The following BIRC6 variants were observed in gnomAD, a reference collection of about 807,000 sequenced individuals.
BIRC6 encodes dual E2 ubiquitin-conjugating enzyme/E3 ubiquitin-protein ligase BIRC6.
Under a neutral mutation model 503.3 loss-of-function variants are expected in BIRC6, and 98 were observed. That is an observed-to-expected ratio of 0.19 (90% CI 0.17 to 0.23). The LOEUF is 0.23. Ranked by LOEUF, BIRC6 falls within the 10% of genes least tolerant of loss-of-function variation. BIRC6 has a pLI of 1.00. For missense variants in BIRC6, 5,360 were observed against 5,806.0 expected, an observed-to-expected ratio of 0.92 and a Z score of 2.50; for synonymous variants, 2,240 against 2,078.7, an observed-to-expected ratio of 1.08 and a Z score of -2.11.
intron 55 of BIRC6, among the ~76,000 whole-genome samples, chr2:32,516,823 G>T (rs1325352686): frequency 6.6e-6 from 1 of 151,916 alleles, no homozygotes; most frequent in South Asian, 2.1e-4. Context: ...ATAACATGGG[G>T]CTAGCAATAC....
chr2:32,411,398 A>ATT (rs398104160), intron 9 of BIRC6, among the ~76,000 whole-genome samples: 1 of 86,204 alleles, frequency 1.2e-5, no homozygotes, highest in African/African-American at 5.8e-5. Flanking sequence ...CATTAAGGCA[A>ATT]TTATATATAT....
chr2:32,482,920 GTTT>G (rs781690700), intron 39 of BIRC6, among the ~76,000 whole-genome samples: 2 of 142,452 alleles, frequency 1.4e-5, no homozygotes, highest in African/African-American at 2.6e-5. Context: ...TATTTTTGCA[GTTT>G]TTTTTTTTTT....
rs2033342714 is a variant in BIRC6, at chr2:32,357,793, C to T, written c.325+307C>T. On this transcript the variant is annotated intron_variant, in intron 1 of 73. Transcript: ENST00000421745. The surrounding 1 kb of genome is among the most constrained non-coding windows in gnomAD (Gnocchi z 4.9). ...GTGAGGAGACCTTGGAGCTTGGCAC[C>T]GGAGGAAGCGAGGCCCGGGTAGGCC... Among the ~76,000 whole-genome samples the T allele has an allele frequency of 6.6e-6, 1 of 152,034 alleles. No individual in the cohort carries two copies. The highest frequency in any genetic ancestry group is 1.5e-5 in the Non-Finnish European group (1 of 67,994).
intron 65 of BIRC6, among the ~76,000 whole-genome samples, chr2:32,558,306 C>T (rs187356022): frequency 1.4e-5 from 2 of 144,944 alleles, no homozygotes; most frequent in Admixed American, 6.9e-5. Context: ...TTAATGTGAA[C>T]TGCAATTTAT....
At chr2:32,526,949 A>C (rs917422833) in intron 59 of BIRC6, 3 of 152,400 alleles carry the variant, frequency 2.0e-5, no homozygotes, top group African/African-American at 7.2e-5. Context: ...AAAATCTGCC[A>C]GAACAGTTTA....
At chr2:32,408,404 C>G (rs370982733) in intron 9 of BIRC6, among the ~76,000 whole-genome samples, 452 of 152,278 alleles carry the variant, frequency 3.0e-3, no homozygotes, top group South Asian at 6.0e-3. Context: ...GCCACTGCGC[C>G]CGGCCAAGTT....
chr2:32,476,938 GTCTT>G (rs2049831357), intron 34 of BIRC6, among the ~76,000 whole-genome samples: 1 of 152,068 alleles, frequency 6.6e-6, no homozygotes, highest in Non-Finnish European at 1.5e-5. Flanking sequence ...CAAGTTTGTA[GTCTT>G]TCTATAACAT....
intron 47 of BIRC6, 27 bp from the exon 48 acceptor site, chr2:32,502,752 ACAGGAATATATAAAGT>A: frequency 6.9e-7 from 1 of 1,455,022 alleles, no homozygotes; most frequent in Non-Finnish European, 9.5e-7. Flanking sequence ...GTTCTTATTC[ACAGGAATATATAAAGT>A]CATAATATGC....
At chr2:32,512,733 T>G (rs2054572016) in intron 53 of BIRC6, among the ~76,000 whole-genome samples, 200 bp from the exon 54 acceptor site, 2 of 152,204 alleles carry the variant, frequency 1.3e-5, no homozygotes, top group South Asian at 4.1e-4. Context: ...GTAAGGTTAT[T>G]GGAAAATTGG....
In BIRC6 at chr2:32,415,855, C is replaced by T; in HGVS notation, c.2564C>T (p.Thr855Ile). Residue 855 changes from threonine to isoleucine, a missense_variant, in exon 10 of 74, where the codon ACA becomes ATA. This residue lies in a region of BIRC6 where 700 missense variants were observed against 739.3 expected (regional missense o/e 0.95). Coordinates refer to ENST00000421745, the MANE Select transcript of BIRC6 (RefSeq NM_016252.4). ...CAACATATCAAAGATCCCCAGGACA[C>T]AATTACCTCGCTCATTTTGCTTCCA... Reference protein sequence around the residue: ...KIQHIKDPQDTITSLILLPPD... With the variant: ...KIQHIKDPQDIITSLILLPPD... 2 of 1,613,916 alleles carry T rather than the reference C, an allele frequency of 1.2e-6. No homozygotes were observed. The highest frequency in any genetic ancestry group is 2.7e-5 in the African/African-American group (2 of 75,020).
At chr2:32,565,702 G>A (rs2059489761) in intron 65 of BIRC6, 1 of 152,206 alleles carries the variant, frequency 6.6e-6, no homozygotes, top group Admixed American at 6.5e-5. Flanking sequence ...ATAAAGGAAA[G>A]AGGTTTAATT....
chr2:32,441,557 T>C (rs2045436297), intron 17 of BIRC6, 95 bp downstream of exon 17: 2 of 1,221,312 alleles, frequency 1.6e-6, no homozygotes, highest in East Asian at 4.9e-5. Flanking sequence ...ATCTTTTACC[T>C]GAAAATTTTT....
intron 12 of BIRC6, among the ~76,000 whole-genome samples, chr2:32,433,443 G>A (rs1027920625): frequency 2.0e-5 from 3 of 152,172 alleles, no homozygotes; most frequent in Non-Finnish European, 4.4e-5. Context: ...GGCAGGTGTA[G>A]ATTTCTAAAG....
At chr2:32,581,268 T>G (rs950058909) in intron 66 of BIRC6, among the ~76,000 whole-genome samples, 4 of 152,190 alleles carry the variant, frequency 2.6e-5, no homozygotes, top group Non-Finnish European at 5.9e-5. Context: ...TTATACAACA[T>G]TAAATTTTGT....
In BIRC6 at chr2:32,357,580, GA is replaced by G; in HGVS notation, c.325+95del. 2 of 1,496,668 alleles carry G rather than the reference GA, an allele frequency of 1.3e-6. No homozygotes were observed. The highest frequency in any genetic ancestry group is 1.8e-6 in the Non-Finnish European group (2 of 1,129,106). 92.7% of individuals were successfully genotyped at this position (1,496,668 alleles called of 1,614,324 possible). On this transcript the variant is annotated intron_variant, in intron 1 of 73. Transcript: ENST00000421745. This position sits in a 1 kb window ranked among gnomAD's most constrained non-coding sequence, Gnocchi z 4.9. ...TCGCGACTCGGGGAAGCGAGATGGC[GA>G]GAGGGCAGGGCTGGGGGTTCGGGCC...
At chr2:32,571,066 C>T (rs1044314939) in intron 65 of BIRC6, among the ~76,000 whole-genome samples, 6 of 152,112 alleles carry the variant, frequency 3.9e-5, no homozygotes, top group Non-Finnish European at 8.8e-5. Context: ...CTGCCTCAGC[C>T]TCCCAAAATG....
intron 38 of BIRC6, among the ~76,000 whole-genome samples, 177 bp from the exon 39 acceptor site, chr2:32,482,252 A>G (rs2050492058): frequency 6.6e-6 from 1 of 152,230 alleles, no homozygotes; most frequent in African/African-American, 2.4e-5. Context: ...GCAGAAAGTG[A>G]GGAGAAAATT....
intron 6 of BIRC6, among the ~76,000 whole-genome samples, chr2:32,398,696 T>C (rs909932108): frequency 3.3e-5 from 5 of 152,166 alleles, no homozygotes; most frequent in Non-Finnish European, 4.4e-5. Flanking sequence ...GATTTTAAAA[T>C]TGATGTGGGT....
intron 10 of BIRC6, among the ~76,000 whole-genome samples, chr2:32,418,035 C>T (rs1317651820): frequency 6.6e-6 from 1 of 152,214 alleles, no homozygotes; most frequent in African/African-American, 2.4e-5. Context: ...CTGCCTTGGC[C>T]TCCCAAAGTG....
Sources: gnomAD v4.1 joint callset for allele counts (sites outside exome capture counted in the v4.1 genomes callset) on GRCh38, gnomAD v4.1.1 for gene constraint, gnomAD v4.1.1 regional missense constraint, Gnocchi (gnomAD v3.1) non-coding constraint, MANE v1.5 for transcripts, NCBI Gene and HGNC (gene_info 2026-07-23, HGNC 2026-07-21) for gene names.